The following TYRP1 variants were observed in gnomAD, a reference collection of about 807,000 sequenced individuals.
TYRP1 encodes the protein tyrosinase related protein 1.
A neutral mutation model predicts 42.8 loss-of-function variants in TYRP1; 49 were observed. The ratio of observed to expected loss-of-function variants is 1.14; its 90% CI spans 0.91 to 1.45. The LOEUF (loss-of-function observed/expected upper bound fraction) is 1.45, where lower values mean the gene tolerates loss of function less well. Among genes scored for constraint, TYRP1 ranks in the 40% most tolerant of loss-of-function variants. TYRP1 has a pLI of 0.00. For synonymous variants in TYRP1, 279 were observed against 235.4 expected (o/e 1.19, Z -1.69); for missense variants, 848 against 662.0 (o/e 1.28, Z -3.08).
Position 12,708,994 on chromosome 9 carries a change from C to T in TYRP1, c.1426C>T (p.Pro476Ser). 1 of 1,612,368 alleles carries T rather than the reference C, an allele frequency of 6.2e-7. No individual in the cohort carries two copies. Among genetic ancestry groups the T allele is most frequent in the Non-Finnish European group, 8.5e-7 (1 of 1,179,026 alleles). ...CCAAATAGGTCGGGAGTTTAGTGTA[C>T]CTGAGATAATTGCCATAGCAGTAGT... ...IQWPSREFSV[P>S]EIIAIAVVGA... The change falls in exon 8 of 8, where the codon CCT becomes TCT. Residue 476 changes from proline (P) to serine (S), a missense_variant. Pro to Ser is a moderately conservative substitution (Grantham distance 74). Coordinates refer to ENST00000388918, the MANE Select transcript of TYRP1 (RefSeq NM_000550.3).
chr9:12,696,228 T>C (rs2118225232), intron 3 of TYRP1, among the ~76,000 whole-genome samples: 1 of 152,342 alleles, frequency 6.6e-6, no homozygotes. Flanking sequence ...GGTTAGAGAC[T>C]TCTCAATCTT....
In TYRP1 at chr9:12,709,529, A is replaced by T. The variant is rs1818323027; in HGVS notation, c.*347A>T. 1 of 251,314 alleles carries T rather than the reference A, an allele frequency of 4.0e-6. No individual in the cohort carries two copies. The allele number at this position is 251,314 out of a possible 1,614,324, so 15.6% of individuals were successfully genotyped here. Reference sequence around the variant, plus strand: ...CGTGTAAAGGAAAATAATGTTTGATAGTAAATGTCCACTTAAAATACATGA... The same window carrying T: ...CGTGTAAAGGAAAATAATGTTTGATTGTAAATGTCCACTTAAAATACATGA... On this transcript the variant is annotated 3_prime_UTR_variant, in exon 8 of 8. Transcript: ENST00000388918.
chr9:12,701,216 A>T (rs140577619), intron 4 of TYRP1, among the ~76,000 whole-genome samples: 135 of 150,926 alleles, frequency 8.9e-4, no homozygotes, highest in African/African-American at 3.1e-3. Context: ...TTGATACTTG[A>T]TTTTTTTTTC....
intron 2 of TYRP1, 37 bp downstream of exon 2, chr9:12,694,418 T>C: frequency 6.2e-7 from 1 of 1,610,910 alleles, no homozygotes; most frequent in Non-Finnish European, 8.5e-7. Context: ...AAGTCCTGCA[T>C]GAGACTCAAG....
chr9:12,704,834 T>C (rs1471201963), intron 6 of TYRP1, 129 bp downstream of exon 6: 2 of 880,824 alleles, frequency 2.3e-6, no homozygotes, highest in Non-Finnish European at 1.8e-6. Context: ...AGCTGTAATA[T>C]CAAGTCACTT....
In TYRP1 at chr9:12,710,162, ATTTTC is replaced by A. The variant is rs368570019; in HGVS notation, c.*982_*986del. The A allele has an allele frequency of 6.6e-6, 1 of 151,560 alleles. No individual in the cohort carries two copies. The highest frequency in any genetic ancestry group is 2.4e-5 in the African/African-American group (1 of 41,340). The allele number at this position is 151,560 out of a possible 1,614,324, so 9.4% of individuals were successfully genotyped here. A position where few individuals can be genotyped will look rare whatever the true frequency, so the allele number is the denominator to read the frequency against. Reference sequence around the variant, plus strand: ...TCCCTTCTCTTCTAACATGAAATATATTTTCTCTTTTTGATCTTGTGCTATGAAAC... The same window carrying A: ...TCCCTTCTCTTCTAACATGAAATATATCTTTTTGATCTTGTGCTATGAAAC... On this transcript the variant is annotated 3_prime_UTR_variant, in exon 8 of 8. Coordinates refer to ENST00000388918, the MANE Select transcript of TYRP1 (RefSeq NM_000550.3).
In TYRP1 at chr9:12,700,428, T is replaced by G. The variant is rs567740353; in HGVS notation, c.913+1773T>G. The G allele has an allele frequency of 3.3e-5, 5 of 152,220 alleles. No individual in the cohort carries two copies. In the East Asian group the frequency reaches 9.7e-4, roughly 30 times the overall value. The allele number at this position is 152,220 out of a possible 1,614,324, so 9.4% of individuals were successfully genotyped here. A position where few individuals can be genotyped will look rare whatever the true frequency, so the allele number is the denominator to read the frequency against. On this transcript the variant is annotated intron_variant, in intron 4 of 7. Coordinates refer to ENST00000388918, the MANE Select transcript of TYRP1 (RefSeq NM_000550.3). ...AATATTTTATTGCAGCTAACGTTCT[T>G]CCAGCCACCAAAATACCATCTTTGA...
Position 12,698,463 on chromosome 9 carries a change from G to T in TYRP1, c.721G>T (p.Glu241Ter), listed in dbSNP as rs1176553821. The T allele has an allele frequency of 1.2e-6, 2 of 1,613,476 alleles. No homozygotes were observed. Among genetic ancestry groups the T allele is most frequent in the African/African-American group, 2.7e-5 (2 of 74,904 alleles). ...LEKDMQEMLQ[E>*]PSFSLPYWNF... is the part of the protein sequence containing the mutation. ...TTCTGTGATCTAGGAAATGTTGCAA[G>T]AGCCTTCTTTCTCCCTTCCTTACTG... The change falls in exon 4 of 8, where the codon GAG (glutamate) becomes TAG (stop). Residue 241 changes from glutamate to a stop codon, truncating the protein, a stop_gained. Coordinates refer to ENST00000388918, the MANE Select transcript of TYRP1 (RefSeq NM_000550.3). LOFTEE classifies it high-confidence loss of function.
chr9:12,708,893 A>T lies in TYRP1; in HGVS notation c.1409-84A>T, dbSNP rs1171893163. ...AATATGAGGATTTCTGTTAAAATAG[A>T]CATTTCTAAATTTCATCTGTCCACT... On this transcript the variant is annotated intron_variant, in intron 7 of 7. Transcript: ENST00000388918. 4.1e-6 allele frequency: 5 copies of T among 1,231,632 alleles called. No individual in the cohort carries two copies. The Admixed American group carries it at 9.7e-5, about 24-fold the overall frequency. The allele number at this position is 1,231,632 out of a possible 1,614,324, so 76.3% of individuals were successfully genotyped here.
Position 12,704,791 on chromosome 9 carries a change from C to T in TYRP1, c.1261+86C>T, listed in dbSNP as rs551407325. On this transcript the variant is annotated intron_variant, in intron 6 of 7. Transcript: ENST00000388918. ...TTATCAGTTCAAGCTGAGCACTCAG[C>T]GCATAAAAACACTTTCAAAATAAGG... 4.7e-4 allele frequency: 609 copies of T among 1,306,940 alleles called. 1 individual carries two copies. Among genetic ancestry groups the T allele is most frequent in the Non-Finnish European group, 6.2e-4 (560 of 907,402 alleles). 81.0% of individuals were successfully genotyped at this position (1,306,940 alleles called of 1,614,324 possible). A position where few individuals can be genotyped will look rare whatever the true frequency, so the allele number is the denominator to read the frequency against.
chr9:12,700,720 A>C (rs1818153414), intron 4 of TYRP1: 1 of 152,050 alleles, frequency 6.6e-6, no homozygotes, highest in South Asian at 2.1e-4. Context: ...GGCAAATTAG[A>C]ATGTAATGTT....
At chr9:12,707,701 C>T (rs112403354) in intron 6 of TYRP1, 1 of 295,348 alleles carries the variant, frequency 3.4e-6, no homozygotes, top group East Asian at 6.6e-5. Context: ...ATTCAAATTG[C>T]TTTATGTAAT....
chr9:12,701,267 C>A (rs1400734753), intron 4 of TYRP1, among the ~76,000 whole-genome samples: 1 of 151,780 alleles, frequency 6.6e-6, no homozygotes, highest in Non-Finnish European at 1.5e-5. Flanking sequence ...TTCCTACAGT[C>A]CACTACTATC....
chr9:12,704,441 G>A, intron 5 of TYRP1, 85 bp from the exon 6 acceptor site: 1 of 1,486,580 alleles, frequency 6.7e-7, no homozygotes, highest in Non-Finnish European at 9.2e-7. Flanking sequence ...TGAAAAAATT[G>A]TTTCCCAATA....
chr9:12,698,349 C>G (rs1818110050), intron 3 of TYRP1, 102 bp from the exon 4 acceptor site: 1 of 1,161,154 alleles, frequency 8.6e-7, no homozygotes, highest in Non-Finnish European at 1.3e-6. Flanking sequence ...ACCTTATTGT[C>G]TGAAGAGAGC....
At chr9:12,693,818 T>C (rs1818032200) in intron 1 of TYRP1, 94 bp from the exon 2 acceptor site, 3 of 695,666 alleles carry the variant, frequency 4.3e-6, no homozygotes, top group East Asian at 2.6e-5. Flanking sequence ...ATTTTACATA[T>C]GGGTTCCATT....
At chr9:12,698,134 A>G (rs1049600350) in intron 3 of TYRP1, among the ~76,000 whole-genome samples, 3 of 152,134 alleles carry the variant, frequency 2.0e-5, no homozygotes, top group Admixed American at 2.0e-4. Flanking sequence ...ACTTTTTTGT[A>G]TAACCAATAT....
In TYRP1 at chr9:12,695,981, G is replaced by T; in HGVS notation, c.708+144G>T. On this transcript the variant is annotated intron_variant, in intron 3 of 7. Coordinates refer to ENST00000388918, the MANE Select transcript of TYRP1 (RefSeq NM_000550.3). ...GTTACTAACCTGTCTTTGGCATTTCGTTTTCTCCTTATTTTGGTTACTTGT... is the reference window on the plus strand; with the variant it reads ...GTTACTAACCTGTCTTTGGCATTTCTTTTTCTCCTTATTTTGGTTACTTGT... The T allele has an allele frequency of 3.6e-6, 3 of 828,238 alleles. No homozygotes were observed. In the South Asian group the frequency reaches 5.4e-5, roughly 15 times the overall value. The allele number at this position is 828,238 out of a possible 1,614,324, so 51.3% of individuals were successfully genotyped here. A position where few individuals can be genotyped will look rare whatever the true frequency, so the allele number is the denominator to read the frequency against.
At chr9:12,699,545 G>T (rs1388165050) in intron 4 of TYRP1, among the ~76,000 whole-genome samples, 2 of 128,094 alleles carry the variant, frequency 1.6e-5, no homozygotes, top group African/African-American at 5.9e-5. Flanking sequence ...ATTATTTTAT[G>T]AACTTAAATA....
Sources: gnomAD v4.1 joint callset for allele counts (sites outside exome capture counted in the v4.1 genomes callset) on GRCh38, gnomAD v4.1.1 for gene constraint, MANE v1.5 for transcripts, NCBI Gene and HGNC (gene_info 2026-07-23, HGNC 2026-07-21) for gene names.